TRHDE: variants seen among roughly 807,000 people sequenced by gnomAD.
The protein encoded by TRHDE is thyrotropin releasing hormone degrading enzyme.
TRHDE carries 72 observed loss-of-function variants against 125.7 expected under a neutral mutation model. The ratio of observed to expected loss-of-function variants is 0.57; its 90% CI spans 0.47 to 0.70. The LOEUF (loss-of-function observed/expected upper bound fraction) is 0.70, where lower values mean the gene tolerates loss of function less well. TRHDE is among the 30% of genes least tolerant of loss of function. The pLI is 0.00. For missense variants in TRHDE, 1,110 were observed against 1,327.1 expected (o/e 0.84, Z 2.54); for synonymous variants, 509 against 509.1 (o/e 1.00, Z 0.00).
chr12:72,659,288 A>T (rs1874825428), intron 18 of TRHDE, among the ~76,000 whole-genome samples: 1 of 152,148 alleles, frequency 6.6e-6, no homozygotes, highest in South Asian at 2.1e-4. Flanking sequence ...ATATTTCTTC[A>T]TAAGGCAATC....
chr12:72,609,806 G>A (rs1231548815), intron 12 of TRHDE, among the ~76,000 whole-genome samples: 5 of 152,108 alleles, frequency 3.3e-5, no homozygotes, highest in Non-Finnish European at 5.9e-5. Context: ...GAAGTTAGAA[G>A]CTTCACTGAT....
At chr12:72,236,707 A>G (rs1272058007) in intron 2 of TRHDE, among the ~76,000 whole-genome samples, 1 of 152,220 alleles carries the variant, frequency 6.6e-6, no homozygotes, top group African/African-American at 2.4e-5. Context: ...AAAAAACAGT[A>G]TGCTGCATAC....
At chr12:72,231,494 A>G (rs1565668366) in intron 2 of TRHDE, among the ~76,000 whole-genome samples, 1 of 152,184 alleles carries the variant, frequency 6.6e-6, no homozygotes, top group African/African-American at 2.4e-5. Context: ...CAGACTTTGG[A>G]GTGGCCCATG....
At chr12:72,299,057 C>T (rs192228943) in intron 2 of TRHDE, among the ~76,000 whole-genome samples, 6 of 152,200 alleles carry the variant, frequency 3.9e-5, no homozygotes, top group Admixed American at 3.9e-4. Flanking sequence ...AAATTATATT[C>T]TAAAGGTTGA....
At chr12:72,088,175 A>G (rs1341786925) in intron 1 of TRHDE, among the ~76,000 whole-genome samples, 1 of 152,170 alleles carries the variant, frequency 6.6e-6, no homozygotes, top group Non-Finnish European at 1.5e-5. Flanking sequence ...GCTGTTGGAT[A>G]GTCATCCACA....
At chr12:72,331,944 C>A (rs1290031068) in intron 2 of TRHDE, among the ~76,000 whole-genome samples, 2 of 152,080 alleles carry the variant, frequency 1.3e-5, no homozygotes, top group East Asian at 3.9e-4. Flanking sequence ...AAAGACATAC[C>A]AGAGGCTGGG....
chr12:72,248,417 C>CGAA (rs1878617369), intron 2 of TRHDE, among the ~76,000 whole-genome samples: 1 of 55,786 alleles, frequency 1.8e-5, no homozygotes, highest in African/African-American at 7.4e-5. Context: ...GACTCTGTCT[C>CGAA]AAAAAAAAAA....
intron 12 of TRHDE, among the ~76,000 whole-genome samples, chr12:72,588,582 A>C (rs533489589): frequency 6.6e-6 from 1 of 152,270 alleles, no homozygotes; most frequent in African/African-American, 2.4e-5. Context: ...CAGAAGAGTG[A>C]CATGACCAGG....
intron 3 of TRHDE, among the ~76,000 whole-genome samples, chr12:72,386,386 A>G (rs1204502170): frequency 6.6e-6 from 1 of 152,110 alleles, no homozygotes; most frequent in African/African-American, 2.4e-5. Context: ...CCCTATTACT[A>G]TGGGTCAACT....
chr12:72,543,107 C>T (rs1419368745), intron 7 of TRHDE, among the ~76,000 whole-genome samples: 1 of 151,306 alleles, frequency 6.6e-6, no homozygotes, highest in African/African-American at 2.4e-5. Context: ...TCACCTGAAA[C>T]ACAATTATGC....
intron 3 of TRHDE, among the ~76,000 whole-genome samples, chr12:72,399,063 C>A (rs549937565): frequency 1.3e-5 from 2 of 152,252 alleles, no homozygotes; most frequent in East Asian, 1.9e-4. Flanking sequence ...GGAGCACAAA[C>A]CCTACTGTGA....
intron 2 of TRHDE, among the ~76,000 whole-genome samples, chr12:72,234,121 A>C (rs1326606062): frequency 6.6e-6 from 1 of 152,212 alleles, no homozygotes; most frequent in East Asian, 1.9e-4. Context: ...CTTGCTGATG[A>C]GATACAATAA....
chr12:72,236,422 A>T (rs543845311), intron 2 of TRHDE, among the ~76,000 whole-genome samples: 6 of 149,982 alleles, frequency 4.0e-5, no homozygotes, highest in Non-Finnish European at 9.0e-5. Context: ...AACTTGAAGC[A>T]TCTACATCAT....
At chr12:72,512,760 A>T (rs991057290) in intron 6 of TRHDE, among the ~76,000 whole-genome samples, 2 of 150,600 alleles carry the variant, frequency 1.3e-5, no homozygotes, top group African/African-American at 4.9e-5. Context: ...ATAAATAAGC[A>T]GGCAACTATA....
intron 2 of TRHDE, among the ~76,000 whole-genome samples, chr12:72,242,659 G>C (rs1381117150): frequency 6.6e-6 from 1 of 152,088 alleles, no homozygotes; most frequent in Non-Finnish European, 1.5e-5. Context: ...GGGTTGCCTT[G>C]AGATCAGGCA....
In TRHDE at chr12:72,266,667, T is replaced by C. The variant is rs373956082; in HGVS notation, n.280-111328T>C. 2.6e-5 allele frequency among the ~76,000 whole-genome samples: 4 copies of C among 152,040 alleles called. No individual in the cohort carries two copies. The East Asian group carries it at 5.8e-4, about 22-fold the overall frequency. On this transcript the variant is annotated intron_variant and non_coding_transcript_variant, in intron 2 of 4. Transcript: ENST00000548156. Reference sequence around the variant, plus strand: ...CCCTAGCACAGTGCCTGGCACTGACTTCATAATTTATGTAGCAAGTATTCA... The same window carrying C: ...CCCTAGCACAGTGCCTGGCACTGACCTCATAATTTATGTAGCAAGTATTCA...
At chr12:72,556,756 T>A (rs1218717130) in intron 7 of TRHDE, among the ~76,000 whole-genome samples, 1 of 152,176 alleles carries the variant, frequency 6.6e-6, no homozygotes, top group Non-Finnish European at 1.5e-5. Flanking sequence ...CACTACAAAT[T>A]TTTTTGAGGT....
chr12:72,106,845 A>G (rs776639997), intron 2 of TRHDE, among the ~76,000 whole-genome samples: 11 of 152,138 alleles, frequency 7.2e-5, no homozygotes, highest in Non-Finnish European at 1.5e-4. Flanking sequence ...TGTGTGGTAG[A>G]GAGAAAACTT....
At position 72,366,787 on chromosome 12, in the gene TRHDE, GAAAGT is replaced by G. The variant is rs752561046; in HGVS notation, c.1189-11206_1189-11202del. On this transcript the variant is annotated intron_variant, in intron 2 of 18. Coordinates refer to ENST00000261180, the MANE Select transcript of TRHDE (RefSeq NM_013381.3). ...TAAAATTCTGTAAAGAGGGAAGGGG[GAAAGT>G]ACAAGCAGGGACAGGCCATTAGAGC... Among the ~76,000 whole-genome samples the G allele has an allele frequency of 1.9e-4, 29 of 151,906 alleles. 2 individuals are homozygous for G. Among genetic ancestry groups the G allele is most frequent in the East Asian group, 7.8e-4 (4 of 5,110 alleles).
Sources: gnomAD v4.1 joint callset for allele counts (sites outside exome capture counted in the v4.1 genomes callset) on GRCh38, gnomAD v4.1.1 for gene constraint, MANE v1.5 for transcripts, NCBI Gene and HGNC (gene_info 2026-07-23, HGNC 2026-07-21) for gene names.